Variants in SPMIP2 observed in about 807,000 individuals in gnomAD.
SPMIP2 encodes the protein sperm microtubule inner protein 2, also known as protein SPMIP2.
At chr4:159,072,451 CTTTTTTTTT>C in the SPMIP2 span, among the ~76,000 whole-genome samples, 6 of 69,132 alleles carry the variant, frequency 8.7e-5, no homozygotes, top group African/African-American at 3.1e-4. Flanking sequence ...CTTATGAATT[CTTTTTTTTT>C]TTTTTTTTTT....
the SPMIP2 span, among the ~76,000 whole-genome samples, chr4:159,042,020 T>C: frequency 5.9e-5 from 9 of 152,228 alleles, no homozygotes; most frequent in Non-Finnish European, 1.3e-4. Context: ...TCAACAAACA[T>C]GTTTTTCAAA....
the SPMIP2 span, among the ~76,000 whole-genome samples, chr4:158,935,185 C>T: frequency 6.6e-6 from 1 of 152,200 alleles, no homozygotes; most frequent in Non-Finnish European, 1.5e-5. Flanking sequence ...TCCCTTAAGA[C>T]ATCATGATGG....
the SPMIP2 span, among the ~76,000 whole-genome samples, chr4:159,048,279 G>C: frequency 6.6e-6 from 1 of 152,210 alleles, no homozygotes; most frequent in Non-Finnish European, 1.5e-5. Context: ...TCCTGTTGAA[G>C]CCCATTTGTT....
chr4:158,933,072 C>G, the SPMIP2 span, among the ~76,000 whole-genome samples: 1 of 152,136 alleles, frequency 6.6e-6, no homozygotes, highest in Non-Finnish European at 1.5e-5. Context: ...GGCGCAATCT[C>G]GGCTCACTGC....
chr4:159,072,148 T>C, the SPMIP2 span, among the ~76,000 whole-genome samples: 3 of 152,092 alleles, frequency 2.0e-5, no homozygotes, highest in Non-Finnish European at 2.9e-5. Flanking sequence ...GCCCCCGCTA[T>C]ACAAAAAATA....
the SPMIP2 span, chr4:158,960,344 A>G: frequency 6.5e-7 from 1 of 1,539,320 alleles, no homozygotes; most frequent in African/African-American, 1.4e-5. Flanking sequence ...AGTTCTTCAT[A>G]CTGTAAAAGG....
At chr4:159,031,992 CG>C in the SPMIP2 span, among the ~76,000 whole-genome samples, 1 of 152,082 alleles carries the variant, frequency 6.6e-6, no homozygotes, top group African/African-American at 2.4e-5. Context: ...GAGGCTGAGG[CG>C]GGCAGATCAC....
chr4:159,014,523 T>A, the SPMIP2 span, among the ~76,000 whole-genome samples: 2 of 150,598 alleles, frequency 1.3e-5, no homozygotes, highest in African/African-American at 2.4e-5. Context: ...ATTTTTTTTT[T>A]ATTATACTTT....
chr4:159,011,332 T>A, the SPMIP2 span, among the ~76,000 whole-genome samples: 2 of 150,808 alleles, frequency 1.3e-5, no homozygotes, highest in Non-Finnish European at 2.9e-5. Context: ...TAGTATAGAG[T>A]AATTAAAAGC....
At chr4:158,944,958 A>G in the SPMIP2 span, among the ~76,000 whole-genome samples, 1 of 152,090 alleles carries the variant, frequency 6.6e-6, no homozygotes, top group Admixed American at 6.6e-5. Flanking sequence ...GTACTATGTA[A>G]AGGGATGGGT....
At chr4:159,041,215 C>G in the SPMIP2 span, among the ~76,000 whole-genome samples, 1 of 152,140 alleles carries the variant, frequency 6.6e-6, no homozygotes, top group East Asian at 1.9e-4. Context: ...GGTGCTATTC[C>G]CTGCCGGGCC....
the SPMIP2 span, among the ~76,000 whole-genome samples, chr4:158,924,261 G>T: frequency 6.6e-6 from 1 of 152,188 alleles, no homozygotes; most frequent in Non-Finnish European, 1.5e-5. Context: ...ATACAGTCAG[G>T]TTGAGAACAT....
At chr4:159,034,817 G>C in the SPMIP2 span, among the ~76,000 whole-genome samples, 1 of 152,126 alleles carries the variant, frequency 6.6e-6, no homozygotes, top group African/African-American at 2.4e-5. Flanking sequence ...CTTGAACCCA[G>C]GTGGCGGAGG....
chr4:159,038,472 A>T, the SPMIP2 span: 1 of 152,150 alleles, frequency 6.6e-6, no homozygotes, highest in Non-Finnish European at 1.5e-5. Context: ...TTTTCTATCA[A>T]GTTGTTGACT....
At chr4:159,053,081 C>T in the SPMIP2 span, among the ~76,000 whole-genome samples, 1 of 145,254 alleles carries the variant, frequency 6.9e-6, no homozygotes, top group Non-Finnish European at 1.5e-5. Context: ...CTCAGCCTCC[C>T]AAGTAGCTGG....
At chr4:159,049,841 C>T in the SPMIP2 span, among the ~76,000 whole-genome samples, 2 of 152,176 alleles carry the variant, frequency 1.3e-5, no homozygotes, top group African/African-American at 4.8e-5. Flanking sequence ...TTGACTTCCA[C>T]AGATGTCATA....
At chr4:159,002,983 C>G in the SPMIP2 span, among the ~76,000 whole-genome samples, 1 of 152,152 alleles carries the variant, frequency 6.6e-6, no homozygotes, top group South Asian at 2.1e-4. Flanking sequence ...TCCACTGTTC[C>G]TCTAAAACGT....
the SPMIP2 span, among the ~76,000 whole-genome samples, chr4:159,066,197 A>G: frequency 6.6e-6 from 1 of 152,206 alleles, no homozygotes; most frequent in Admixed American, 6.5e-5. Context: ...AACTTGAGAA[A>G]CATTTTGCCA....
At chr4:158,911,548 G>C in the SPMIP2 span, among the ~76,000 whole-genome samples, 1 of 137,758 alleles carries the variant, frequency 7.3e-6, no homozygotes, top group Admixed American at 7.6e-5. Context: ...GTTCTTCCTA[G>C]AATAGACTTC....
Sources: allele counts gnomAD v4.1 joint callset (sites outside exome capture counted in the v4.1 genomes callset), GRCh38; gene constraint gnomAD v4.1.1; transcripts MANE v1.5; gene names NCBI Gene and HGNC (gene_info 2026-07-23, HGNC 2026-07-21).